CCDC93: variants seen among roughly 807,000 people sequenced by gnomAD.
The protein encoded by CCDC93 is coiled-coil domain-containing protein 93.
A neutral mutation model predicts 108.2 loss-of-function variants in CCDC93; 61 were observed. The ratio of observed to expected loss-of-function variants is 0.56; its 90% CI spans 0.46 to 0.70. The LOEUF is 0.70. CCDC93 is among the 30% of genes least tolerant of loss of function. The pLI is 0.00. For missense variants in CCDC93, 685 were observed against 764.2 expected (o/e 0.90, Z 1.22); for synonymous variants, 276 against 260.4 (o/e 1.06, Z -0.58).
chr2:118,010,654 T>C (rs1309174200), intron 1 of CCDC93, among the ~76,000 whole-genome samples: 1 of 152,210 alleles, frequency 6.6e-6, no homozygotes, highest in Non-Finnish European at 1.5e-5. Flanking sequence ...TATCCCTCTT[T>C]AGCTCACCCT....
At chr2:117,985,871 A>C (rs2104799951) in intron 7 of CCDC93, 98 bp downstream of exon 7, 2 of 693,484 alleles carry the variant, frequency 2.9e-6, no homozygotes, top group South Asian at 4.0e-5. Context: ...GAAGGCAGAA[A>C]CTCAATCGGG....
chr2:117,917,440 C>T lies in CCDC93; in HGVS notation c.*2903G>A, dbSNP rs1677721444. The stretch of plus-strand genomic sequence containing the variant: ...CAGAGAATGCTTCCCATGCCTGGAC[C>T]CTGGACCTTCTGGTTGTGCTGATGG... On this transcript the variant is annotated 3_prime_UTR_variant, in exon 24 of 24. Transcript: ENST00000376300. The T allele has an allele frequency of 6.5e-6, 1 of 152,708 alleles. No individual in the cohort carries two copies. The highest frequency in any genetic ancestry group is 2.1e-4 in the South Asian group (1 of 4,814). The allele number at this position is 152,708 out of a possible 1,614,324, so 9.5% of individuals were successfully genotyped here. A position where few individuals can be genotyped will look rare whatever the true frequency, so the allele number is the denominator to read the frequency against.
intron 21 of CCDC93, among the ~76,000 whole-genome samples, chr2:117,936,096 CG>C (rs1678514301): frequency 2.6e-5 from 4 of 151,804 alleles, no homozygotes; most frequent in South Asian, 4.2e-4. Context: ...ACAATGTGTC[CG>C]CTGTCATCTG....
At chr2:117,950,898 T>G (rs1679032902) in intron 13 of CCDC93, 1 of 985,282 alleles carries the variant, frequency 1.0e-6, no homozygotes, top group Admixed American at 6.1e-5. Flanking sequence ...GCCTTAGCTT[T>G]CCCATCTGCA....
At chr2:117,962,539 A>C (rs2104762834) in intron 11 of CCDC93, among the ~76,000 whole-genome samples, 1 of 152,302 alleles carries the variant, frequency 6.6e-6, no homozygotes, top group South Asian at 2.1e-4. Context: ...GCTACTTGGG[A>C]GGCTGAGGCA....
chr2:118,003,525 T>C (rs1303476642), intron 3 of CCDC93, among the ~76,000 whole-genome samples: 5 of 152,190 alleles, frequency 3.3e-5, no homozygotes, highest in Non-Finnish European at 7.3e-5. Flanking sequence ...GAGCTCCCTC[T>C]TGTGGCTACA....
intron 6 of CCDC93, 159 bp downstream of exon 6, chr2:117,995,287 C>G: frequency 3.0e-6 from 2 of 672,826 alleles, no homozygotes; most frequent in Middle Eastern, 4.0e-4. Context: ...TGGCCCTGAG[C>G]AGTAAAGCAG....
intron 21 of CCDC93, 129 bp from the exon 22 acceptor site, chr2:117,935,708 T>G (rs901152138): frequency 1.8e-6 from 1 of 566,554 alleles, no homozygotes; most frequent in African/African-American, 1.9e-5. Flanking sequence ...TAACGCACAG[T>G]GGAGCCACGG....
chr2:117,925,559 CAAG>C (rs1384412993), intron 23 of CCDC93, among the ~76,000 whole-genome samples: 2 of 152,186 alleles, frequency 1.3e-5, no homozygotes, highest in Non-Finnish European at 2.9e-5. Context: ...ATCAATTCAA[CAAG>C]AAGAGCTAAC....
At chr2:117,953,408 G>GC (rs372336918) in intron 12 of CCDC93, among the ~76,000 whole-genome samples, 18 of 152,148 alleles carry the variant, frequency 1.2e-4, no homozygotes, top group African/African-American at 4.1e-4. Context: ...GGGTTCTGGT[G>GC]CCCCCCTTTT....
chr2:118,000,764 G>T, intron 4 of CCDC93, 57 bp downstream of exon 4: 1 of 1,129,782 alleles, frequency 8.9e-7, no homozygotes, highest in Non-Finnish European at 1.3e-6. Context: ...GGACAAGCCA[G>T]GCCCATCACA....
intron 10 of CCDC93, 100 bp from the exon 11 acceptor site, chr2:117,974,094 A>G: frequency 1.3e-6 from 1 of 782,360 alleles, no homozygotes. Flanking sequence ...CTATTATGGT[A>G]AAACATAATA....
chr2:117,950,636 AGC>A, intron 13 of CCDC93: 1 of 985,448 alleles, frequency 1.0e-6, no homozygotes, highest in Non-Finnish European at 1.2e-6. Context: ...AAGGGTTCAG[AGC>A]GCTCATTCTG....
chr2:117,944,392 A>G (rs1678801763), intron 17 of CCDC93, among the ~76,000 whole-genome samples: 1 of 151,770 alleles, frequency 6.6e-6, no homozygotes, highest in Non-Finnish European at 1.5e-5. Context: ...GAGACAAATC[A>G]TTAGTTAAAG....
At chr2:117,950,320 CTA>C (rs921138416) in intron 13 of CCDC93, 1 of 985,200 alleles carries the variant, frequency 1.0e-6, no homozygotes, top group Non-Finnish European at 1.2e-6. Flanking sequence ...GCAAGCAAAA[CTA>C]GATACAATTA....
rs1382438779 is a variant in CCDC93 at position 117,986,024 on chromosome 2, C to T, written c.565G>A (p.Glu189Lys). Reference protein sequence around the residue: ...RRKYKRHQGAEELLDEESRIH... With the variant: ...RRKYKRHQGAKELLDEESRIH... ...CGAGATTCTTCATCAAGTAGCTCCT[C>T]TGCTCCCTGGTGGCGTTTGTATTTC... The change falls in exon 7 of 24, where the codon GAG becomes AAG. Residue 189 changes from glutamate to lysine, a missense_variant. Coordinates refer to ENST00000376300, the MANE Select transcript of CCDC93 (RefSeq NM_019044.5). 6.2e-7 allele frequency: 1 copy of T among 1,613,726 alleles called. No individual in the cohort carries two copies. The highest frequency in any genetic ancestry group is 1.3e-5 in the African/African-American group (1 of 74,900).
chr2:117,950,308 G>A (rs1679012344), intron 13 of CCDC93: 2 of 985,104 alleles, frequency 2.0e-6, no homozygotes, highest in East Asian at 1.1e-4. Flanking sequence ...AATAGTTACA[G>A]AGCAAGCAAA....
chr2:117,997,326 TCTC>T (rs2104816963), intron 4 of CCDC93: 1 of 152,246 alleles, frequency 6.6e-6, no homozygotes, highest in South Asian at 2.1e-4. Flanking sequence ...AACCTTTGCT[TCTC>T]CTCCCCGGCT....
At chr2:117,987,921 G>A (rs974703182) in intron 6 of CCDC93, among the ~76,000 whole-genome samples, 1 of 152,072 alleles carries the variant, frequency 6.6e-6, no homozygotes, top group Non-Finnish European at 1.5e-5. Flanking sequence ...ACATCTGAGT[G>A]TAGTTATCCT....
Sources: gnomAD v4.1 joint callset for allele counts (sites outside exome capture counted in the v4.1 genomes callset) on GRCh38, gnomAD v4.1.1 for gene constraint, MANE v1.5 for transcripts, NCBI Gene and HGNC (gene_info 2026-07-23, HGNC 2026-07-21) for gene names.